The following USP42 variants were observed in gnomAD, a reference collection of about 807,000 sequenced individuals.
USP42 encodes ubiquitin specific peptidase 42.
Under a neutral mutation model 113.0 loss-of-function variants are expected in USP42, and 23 were observed. The observed-to-expected ratio is 0.20, with a 90% CI of 0.15 to 0.29. The LOEUF is 0.29. Among genes scored for constraint, USP42 ranks in the 10% least tolerant of loss-of-function variants. The probability of loss-of-function intolerance (pLI) is 1.00; values close to 1 mark genes in which losing one functional copy is unlikely to be tolerated. For synonymous variants in USP42, 933 were observed against 699.0 expected, an observed-to-expected ratio of 1.33 and a Z score of -5.28; for missense variants, 2,174 against 1,779.8, an observed-to-expected ratio of 1.22 and a Z score of -3.99.
At chr7:6,152,019 C>G (rs1782088053) in intron 14 of USP42, among the ~76,000 whole-genome samples, 1 of 152,114 alleles carries the variant, frequency 6.6e-6, no homozygotes, top group South Asian at 2.1e-4. Flanking sequence ...ATAATAAAAC[C>G]TGCCCCACAA....
In USP42 at chr7:6,155,147, CAAA is replaced by C; in HGVS notation, c.3594_3596del (p.Lys1203del). On this transcript the variant is annotated inframe_deletion, in exon 15 of 18. Coordinates refer to ENST00000306177, the MANE Select transcript of USP42 (RefSeq NM_032172.3). The stretch of plus-strand genomic sequence containing the variant: ...CCTAAAGCAAAGAAGCACAAAAAAT[CAAA>C]GAAGAAAAAGAAATCCAAAGACAAA... The C allele has an allele frequency of 6.5e-7, 1 of 1,547,648 alleles. No homozygotes were observed. The highest frequency in any genetic ancestry group is 8.7e-7 in the Non-Finnish European group (1 of 1,147,488).
At chr7:6,131,352 G>A (rs73058640) in intron 3 of USP42, among the ~76,000 whole-genome samples, 2 of 151,906 alleles carry the variant, frequency 1.3e-5, no homozygotes, top group African/African-American at 2.4e-5. Flanking sequence ...GTGCATGCCT[G>A]TAATCCCAGC....
At position 6,154,496 on chromosome 7, in the gene USP42, G is replaced by C; in HGVS notation, c.2942G>C (p.Arg981Pro). ...SKTEGHRHRRRRTCPRERDRQ... is the reference protein window; with the variant it reads ...SKTEGHRHRRPRTCPRERDRQ... ...ACTGAGGGCCACCGTCACCGGCGGC[G>C]CCGCACCTGCCCCCGGGAGCGCGAC... The change falls in exon 15 of 18, where the codon CGC becomes CCC. Residue 981 changes from arginine to proline, a missense_variant. By Grantham distance (103) the Arg-to-Pro change is moderately radical. Coordinates refer to ENST00000306177, the MANE Select transcript of USP42 (RefSeq NM_032172.3). 6.5e-7 allele frequency: 1 copy of C among 1,544,322 alleles called. No homozygotes were observed. Among genetic ancestry groups the C allele is most frequent in the Admixed American group, 2.0e-5 (1 of 50,816 alleles).
intron 2 of USP42, among the ~76,000 whole-genome samples, chr7:6,113,382 C>T (rs1779706099): frequency 6.6e-6 from 1 of 152,128 alleles, no homozygotes; most frequent in African/African-American, 2.4e-5. Context: ...GGCCTTCAAC[C>T]TCCTGTCATG....
chr7:6,084,058 G>A, the USP42 span, among the ~76,000 whole-genome samples: 4 of 151,174 alleles, frequency 2.6e-5, no homozygotes, highest in South Asian at 2.1e-4. Flanking sequence ...ACAGAGTCTC[G>A]CTCTGTCACC....
At chr7:6,092,443 T>C in the USP42 span, among the ~76,000 whole-genome samples, 5 of 150,812 alleles carry the variant, frequency 3.3e-5, 1 homozygote, top group Admixed American at 1.3e-4. Flanking sequence ...GCTCTCAAAG[T>C]TCTGGGATTA....
rs184969254 is a variant in USP42 at position 6,107,495 on chromosome 7, T to G, written c.-10+2463T>G. 5.6e-3 allele frequency among the ~76,000 whole-genome samples: 848 copies of G among 150,208 alleles called. 7 individuals carry two copies. Among genetic ancestry groups the G allele is most frequent in the Non-Finnish European group, 0.01 (689 of 67,554 alleles). Reference sequence around the variant, plus strand: ...CGCGATCTCGGCTCACCACAACCTCTGCCTCCTGGGTTCAAGGGATTCTCC... The same window carrying G: ...CGCGATCTCGGCTCACCACAACCTCGGCCTCCTGGGTTCAAGGGATTCTCC... On this transcript the variant is annotated intron_variant, in intron 1 of 17. Transcript: ENST00000306177.
chr7:6,139,162 T>C lies in USP42; in HGVS notation c.624T>C (p.Ala208=). 1.2e-6 allele frequency: 2 copies of C among 1,609,052 alleles called. No individual in the cohort carries two copies. The highest frequency in any genetic ancestry group is 2.2e-5 in the South Asian group (2 of 89,690). The change falls in exon 5 of 18, where the codon GCT becomes GCC. Residue 208 remains alanine, a synonymous_variant. Transcript: ENST00000306177. This position sits in a 1 kb window ranked among gnomAD's most constrained non-coding sequence, Gnocchi z 4.5. ...AHEFLQYTVD[A]MQKACLNGSN... Reference sequence around the variant, plus strand: ...AATTCCTTCAATACACTGTTGATGCTATGCAGAAAGCATGCTTGAATGGCA... The same window carrying C: ...AATTCCTTCAATACACTGTTGATGCCATGCAGAAAGCATGCTTGAATGGCA...
At chr7:6,112,900 CTTTTTT>C (rs34002709) in intron 2 of USP42, among the ~76,000 whole-genome samples, 2 of 102,768 alleles carry the variant, frequency 1.9e-5, no homozygotes, top group African/African-American at 4.0e-5. Flanking sequence ...TAGTAAGTTT[CTTTTTT>C]TTTTTTTTTT....
intron 4 of USP42, among the ~76,000 whole-genome samples, chr7:6,137,039 A>T (rs1781188457): frequency 6.6e-6 from 1 of 152,246 alleles, no homozygotes; most frequent in African/African-American, 2.4e-5. Context: ...GGGTAAGTGC[A>T]TGAAATTTTC....
chr7:6,102,241 A>T (rs942964525), upstream of USP42, among the ~76,000 whole-genome samples: 23 of 146,510 alleles, frequency 1.6e-4, 2 homozygotes, highest in African/African-American at 5.5e-4. Context: ...TCAGCCTCCC[A>T]GTAGCTGGGA....
intron 12 of USP42, 49 bp from the exon 13 acceptor site, chr7:6,149,534 G>T: frequency 3.2e-6 from 5 of 1,552,462 alleles, no homozygotes; most frequent in Non-Finnish European, 4.3e-6. Flanking sequence ...TTCTGTTTGT[G>T]TGACCATGTT....
chr7:6,156,107 G>A (rs1420497444), intron 15 of USP42, among the ~76,000 whole-genome samples: 1 of 152,196 alleles, frequency 6.6e-6, no homozygotes, highest in Admixed American at 6.5e-5. Context: ...TCCATGATGA[G>A]ATGGATGAGC....
chr7:6,136,000 T>C (rs1781122115), intron 4 of USP42, 49 bp downstream of exon 4: 4 of 1,031,820 alleles, frequency 3.9e-6, no homozygotes, highest in Non-Finnish European at 5.5e-6. Flanking sequence ...TACCTAGTTA[T>C]ACTTTTTTTT....
intron 3 of USP42, among the ~76,000 whole-genome samples, chr7:6,123,770 C>T (rs1195716538): frequency 6.7e-6 from 1 of 149,962 alleles, no homozygotes; most frequent in Non-Finnish European, 1.5e-5. Context: ...ATCACTTGAG[C>T]CAGGGAGTTG....
At chr7:6,141,954 G>A (rs1486552434) in intron 7 of USP42, among the ~76,000 whole-genome samples, 1 of 152,138 alleles carries the variant, frequency 6.6e-6, no homozygotes, top group African/African-American at 2.4e-5. Flanking sequence ...TCACTGTTCC[G>A]TGTAATTCTG....
At chr7:6,147,580 G>A (rs1781786948) in intron 11 of USP42, among the ~76,000 whole-genome samples, 159 bp from the exon 12 acceptor site, 1 of 152,256 alleles carries the variant, frequency 6.6e-6, no homozygotes, top group Non-Finnish European at 1.5e-5. Flanking sequence ...ACATTAGCCT[G>A]AAGGAGGGGA....
At position 6,141,078 on chromosome 7, in the gene USP42, A is replaced by T. The variant is rs569609241; in HGVS notation, c.795+94A>T. On this transcript the variant is annotated intron_variant, in intron 7 of 17. Transcript: ENST00000306177. ...TATAATTTAGACTACTTGTTAGAGA[A>T]TATAAATTGAAAAATTCAATATGCT... 8.5e-6 allele frequency: 5 copies of T among 589,454 alleles called. No homozygotes were observed. The South Asian group carries it at 1.4e-4, about 17-fold the overall frequency. The allele number at this position is 589,454 out of a possible 1,614,324, so 36.5% of individuals were successfully genotyped here. A position where few individuals can be genotyped will look rare whatever the true frequency, so the allele number is the denominator to read the frequency against.
chr7:6,138,186 A>C (rs918114793), intron 4 of USP42, among the ~76,000 whole-genome samples: 1 of 152,190 alleles, frequency 6.6e-6, no homozygotes, highest in African/African-American at 2.4e-5. Flanking sequence ...TTATACATTC[A>C]TACACATGTA....
Sources: gnomAD v4.1 joint callset for allele counts (sites outside exome capture counted in the v4.1 genomes callset) on GRCh38, gnomAD v4.1.1 for gene constraint, Gnocchi (gnomAD v3.1) non-coding constraint, MANE v1.5 for transcripts, NCBI Gene and HGNC (gene_info 2026-07-23, HGNC 2026-07-21) for gene names.